Variants in PCDHGA5 observed in about 807,000 individuals in gnomAD.
The protein encoded by PCDHGA5 is protocadherin gamma-A5.
A neutral mutation model predicts 56.7 loss-of-function variants in PCDHGA5; 36 were observed. The ratio of observed to expected loss-of-function variants is 0.64; its 90% CI spans 0.49 to 0.84. PCDHGA5 has a LOEUF of 0.84. Ranked by LOEUF, PCDHGA5 falls within the 40% of genes least tolerant of loss-of-function variation. The pLI, the probability that PCDHGA5 is intolerant of heterozygous loss-of-function variation, is 0.00. For synonymous variants in PCDHGA5, 563 were observed against 520.2 expected (o/e 1.08, Z -1.12); for missense variants, 1,305 against 1,201.5 (o/e 1.09, Z -1.27).
At chr5:141,390,458 G>A (rs1037400063) in intron 1 of PCDHGA5, 7 of 754,546 alleles carry the variant, frequency 9.3e-6, no homozygotes, top group Non-Finnish European at 1.5e-5. Context: ...AGTAAAGTAG[G>A]AGCAATTGTG....
chr5:141,481,736 G>A (rs569415213), intron 1 of PCDHGA5, among the ~76,000 whole-genome samples: 23 of 151,934 alleles, frequency 1.5e-4, no homozygotes, highest in African/African-American at 4.3e-4. Flanking sequence ...GGCGGATCAC[G>A]AGGTCAGGAG....
chr5:141,499,689 CTTTTTTTTT>C (rs545067566), intron 2 of PCDHGA5, among the ~76,000 whole-genome samples: 2 of 119,856 alleles, frequency 1.7e-5, no homozygotes, highest in African/African-American at 6.2e-5. Flanking sequence ...TAACAGATGA[CTTTTTTTTT>C]TTTTTTTTTT....
At chr5:141,371,718 A>C in intron 1 of PCDHGA5, 1 of 1,614,064 alleles carries the variant, frequency 6.2e-7, no homozygotes, top group Non-Finnish European at 8.5e-7. Flanking sequence ...CACTCTGCAC[A>C]TCCTTGATGT....
At chr5:141,419,413 C>T (rs568417008) in intron 1 of PCDHGA5, 4 of 1,613,444 alleles carry the variant, frequency 2.5e-6, no homozygotes, top group African/African-American at 1.3e-5. Flanking sequence ...TCGCGCAGCG[C>T]GCCTTCGACC....
intron 1 of PCDHGA5, chr5:141,421,938 T>C (rs777643980): frequency 2.9e-5 from 46 of 1,613,346 alleles, no homozygotes; most frequent in Non-Finnish European, 3.5e-5. Context: ...TCGATGTAAA[T>C]GATCACATCC....
intron 1 of PCDHGA5, among the ~76,000 whole-genome samples, chr5:141,446,698 G>A (rs750413432): frequency 2.0e-5 from 3 of 152,186 alleles, no homozygotes; most frequent in Admixed American, 6.5e-5. Flanking sequence ...GGCTGGTCTC[G>A]AACTCTGATC....
intron 1 of PCDHGA5, chr5:141,415,489 C>G: frequency 6.2e-7 from 1 of 1,614,220 alleles, no homozygotes; most frequent in Non-Finnish European, 8.5e-7. Flanking sequence ...AAAGAGTCAC[C>G]TGATCTTCCC....
intron 1 of PCDHGA5, chr5:141,428,120 C>T (rs756805763): frequency 3.7e-6 from 6 of 1,606,528 alleles, no homozygotes; most frequent in East Asian, 4.5e-5. Flanking sequence ...CCATCGAGCC[C>T]GGGCTTTTCA....
chr5:141,393,584 A>G, intron 1 of PCDHGA5: 1 of 1,613,892 alleles, frequency 6.2e-7, no homozygotes, highest in African/African-American at 1.3e-5. Context: ...ACATGCCCCC[A>G]GGCACGCGGC....
chr5:141,403,850 G>A lies in PCDHGA5; in HGVS notation c.2421+37099G>A, dbSNP rs368454282. The A allele has an allele frequency of 1.4e-5, 23 of 1,613,634 alleles. No individual in the cohort carries two copies. In the African/African-American group the frequency reaches 3.1e-4, roughly 22 times the overall value. On this transcript the variant is annotated intron_variant, in intron 1 of 3. Coordinates refer to ENST00000518069, the MANE Select transcript of PCDHGA5 (RefSeq NM_018918.3). Reference sequence around the variant, plus strand: ...ATTCCAGCTTAATGAAAATACTGGGGAAATATCAACAGCAAAAAGTCTAGA... The same window carrying A: ...ATTCCAGCTTAATGAAAATACTGGGAAAATATCAACAGCAAAAAGTCTAGA...
chr5:141,423,765 G>A (rs775053869), intron 1 of PCDHGA5: 11 of 233,406 alleles, frequency 4.7e-5, no homozygotes, highest in Admixed American at 1.2e-4. Context: ...GGGGGGTGGG[G>A]CGGCATATAT....
In PCDHGA5 at chr5:141,490,378, G is replaced by A; in HGVS notation, c.2422-4429G>A. On this transcript the variant is annotated intron_variant, in intron 1 of 3. Transcript: ENST00000518069. The surrounding 1 kb of genome is among the most constrained non-coding windows in gnomAD (Gnocchi z 5.4). The stretch of plus-strand genomic sequence containing the variant: ...GTTTAATGTGCGAGACCGGGACTCA[G>A]GTAGAAATGGTGAAGTGAGCCTTGA... 1 of 1,614,214 alleles carries A rather than the reference G, an allele frequency of 6.2e-7. No homozygotes were observed. The highest frequency in any genetic ancestry group is 1.1e-5 in the South Asian group (1 of 91,086).
At position 141,414,245 on chromosome 5, in the gene PCDHGA5, T is replaced by G. The variant is rs760119941; in HGVS notation, c.2421+47494T>G. On this transcript the variant is annotated intron_variant, in intron 1 of 3. Transcript: ENST00000518069. ...CCAGAGCTGACCATCACGTCTCTAT[T>G]TAGTCCAGTGACTGAAGATTCACCT... 49 of 1,613,380 alleles carry G rather than the reference T, an allele frequency of 3.0e-5. 1 individual carries two copies. The highest frequency in any genetic ancestry group is 1.3e-4 in the South Asian group (12 of 90,978).
chr5:141,371,924 G>C (rs762943415), intron 1 of PCDHGA5: 1 of 1,613,364 alleles, frequency 6.2e-7, no homozygotes, highest in Admixed American at 1.7e-5. Flanking sequence ...TGAGCGCGCG[G>C]AGCGGGGTGG....
At chr5:141,408,851 G>A in intron 1 of PCDHGA5, 1 of 1,613,574 alleles carries the variant, frequency 6.2e-7, no homozygotes, top group Non-Finnish European at 8.5e-7. Context: ...TGCCTTGGAC[G>A]GAGGGGACCC....
At position 141,431,850 on chromosome 5, in the gene PCDHGA5, C is replaced by T; in HGVS notation, c.2422-62957C>T. On this transcript the variant is annotated intron_variant, in intron 1 of 3. Transcript: ENST00000518069. The surrounding 1 kb of genome is among the most constrained non-coding windows in gnomAD (Gnocchi z 4.8). ...GTTCCCGAAAACTCTCCCAGAGGGA[C>T]ATTAATTGCCCTTTTAAATGTAAAT... The T allele has an allele frequency of 1.9e-6, 3 of 1,614,234 alleles. No homozygotes were observed. The highest frequency in any genetic ancestry group is 2.2e-5 in the South Asian group (2 of 91,090).
intron 1 of PCDHGA5, among the ~76,000 whole-genome samples, chr5:141,433,948 T>C (rs1473404279): frequency 2.0e-5 from 3 of 152,234 alleles, no homozygotes; most frequent in Non-Finnish European, 4.4e-5. Context: ...CATTGTTTCT[T>C]CTACAGTTGT....
In PCDHGA5 at chr5:141,486,913, G is replaced by A. The variant is rs2099636995; in HGVS notation, c.2422-7894G>A. ...CTGGTTCCTTATGTCCCCAAGCACT[G>A]CCTCCATCAGTTGGTGCTGGCCACC... On this transcript the variant is annotated intron_variant, in intron 1 of 3. Transcript: ENST00000518069. The surrounding 1 kb of genome is among the most constrained non-coding windows in gnomAD (Gnocchi z 5.0). The A allele has an allele frequency of 1.9e-6, 3 of 1,614,092 alleles. No individual in the cohort carries two copies. The highest frequency in any genetic ancestry group is 1.3e-5 in the African/African-American group (1 of 74,938).
chr5:141,501,945 T>C (rs1318749969), intron 2 of PCDHGA5, among the ~76,000 whole-genome samples: 1 of 152,106 alleles, frequency 6.6e-6, no homozygotes, highest in Non-Finnish European at 1.5e-5. Context: ...CACTGCTCCC[T>C]GTGACAGGTC....
Sources: gnomAD v4.1 joint callset for allele counts (sites outside exome capture counted in the v4.1 genomes callset) on GRCh38, gnomAD v4.1.1 for gene constraint, Gnocchi (gnomAD v3.1) non-coding constraint, MANE v1.5 for transcripts, NCBI Gene and HGNC (gene_info 2026-07-23, HGNC 2026-07-21) for gene names.